Variants in SH2D3A observed in about 807,000 individuals in gnomAD.
SH2D3A encodes SH2 domain-containing protein 3A.
SH2D3A carries 46 observed loss-of-function variants against 50.6 expected under a neutral mutation model. The ratio of observed to expected loss-of-function variants is 0.91; its 90% confidence interval spans 0.72 to 1.16. The LOEUF (loss-of-function observed/expected upper bound fraction) is 1.16. Among genes scored for constraint, SH2D3A ranks in the 50% most tolerant of loss-of-function variants. The pLI is 0.00. For synonymous variants in SH2D3A, 377 were observed against 348.4 expected, an observed-to-expected ratio of 1.08 and a Z score of -0.91; for missense variants, 783 against 786.2, an observed-to-expected ratio of 1.00 and a Z score of 0.05.
intron 4 of SH2D3A, 120 bp downstream of exon 4, chr19:6,759,474 C>A: frequency 1.2e-6 from 1 of 843,364 alleles, no homozygotes; most frequent in South Asian, 1.6e-5. Flanking sequence ...TCGTGATTGT[C>A]ATCATTTTCT....
intron 4 of SH2D3A, 85 bp from the exon 5 acceptor site, chr19:6,755,400 C>A (rs1247162681): frequency 1.1e-6 from 1 of 929,502 alleles, no homozygotes. Context: ...CGGCTACCAC[C>A]CACCTGATCC....
At chr19:6,752,938 G>C (rs1969403077) in intron 9 of SH2D3A, 185 bp from the exon 10 acceptor site, 1 of 985,190 alleles carries the variant, frequency 1.0e-6, no homozygotes, top group Non-Finnish European at 1.2e-6. Context: ...CTGCAGGAAT[G>C]GGGGTGGGGT....
At chr19:6,752,957 G>A in intron 9 of SH2D3A, 1 of 985,386 alleles carries the variant, frequency 1.0e-6, no homozygotes, top group Non-Finnish European at 1.2e-6. Context: ...GTGCCTGAGG[G>A]GCTCTACCGC....
chr19:6,762,825 C>A (rs1970104400), intron 2 of SH2D3A, among the ~76,000 whole-genome samples: 1 of 151,150 alleles, frequency 6.6e-6, no homozygotes, highest in Non-Finnish European at 1.5e-5. Context: ...GGCCTGCTAT[C>A]CCTATGTTAA....
chr19:6,761,164 T>A, intron 2 of SH2D3A, 177 bp from the exon 3 acceptor site: 2 of 599,870 alleles, frequency 3.3e-6, no homozygotes, highest in South Asian at 4.1e-5. Flanking sequence ...TCCTGGCACC[T>A]ACGTAGACTA....
rs765689594 is a variant in SH2D3A, at chr19:6,755,283, G to A, written c.529C>T (p.Arg177Ter). ...ASTMPISALP[R>*]TSSDPVLLKA... ...AGCAACACCGGGTCACTGCTCGTTC[G>A]GGGCAAGGCAGATATGGGCATGGTG... The change falls in exon 5 of 10, where the codon CGA becomes TGA. Residue 177 changes from arginine to a stop codon, truncating the protein, a stop_gained. Coordinates refer to ENST00000245908, the MANE Select transcript of SH2D3A (RefSeq NM_005490.3). LOFTEE classifies it high-confidence loss of function. 3.3e-5 allele frequency: 50 copies of A among 1,518,604 alleles called. No individual in the cohort carries two copies. The highest frequency in any genetic ancestry group is 1.8e-4 in the Middle Eastern group (1 of 5,622). 94.1% of individuals were successfully genotyped at this position (1,518,604 alleles called of 1,614,324 possible). A position where few individuals can be genotyped will look rare whatever the true frequency, so the allele number is the denominator to read the frequency against.
At chr19:6,762,702 A>G (rs1382729728) in intron 2 of SH2D3A, among the ~76,000 whole-genome samples, 1 of 133,392 alleles carries the variant, frequency 7.5e-6, no homozygotes, top group Non-Finnish European at 1.6e-5. Flanking sequence ...TTTTTTGTGT[A>G]GAGACAGAGT....
intron 4 of SH2D3A, chr19:6,759,010 C>T (rs1203201726): frequency 1.3e-5 from 2 of 152,308 alleles, no homozygotes; most frequent in East Asian, 3.8e-4. Context: ...GTTCGAACAA[C>T]TGCAAGGAGG....
At chr19:6,754,493 A>C in intron 6 of SH2D3A, 68 bp from the exon 7 acceptor site, 1 of 1,545,134 alleles carries the variant, frequency 6.5e-7, no homozygotes, top group Non-Finnish European at 8.7e-7. Flanking sequence ...GAGGGGGGAC[A>C]GGAGGTGGCA....
intron 4 of SH2D3A, 22 bp from the exon 5 acceptor site, chr19:6,755,337 T>G: frequency 6.8e-7 from 1 of 1,463,654 alleles, no homozygotes. Flanking sequence ...ACAAGAGGGG[T>G]CAATGGGAAT....
rs1041494346 is a variant in SH2D3A, at chr19:6,766,789, T to A, written c.-69+598A>T. On this transcript the variant is annotated intron_variant, in intron 1 of 9. Transcript: ENST00000245908. ...TTCTAAGAGTTATCAATGAAAGTGA[T>A]AAGCCAGGGAGATGTGATAGAGGAG... Among the ~76,000 whole-genome samples the A allele has an allele frequency of 2.0e-5, 3 of 152,162 alleles. No individual in the cohort carries two copies. The East Asian group carries it at 5.8e-4, about 29-fold the overall frequency.
chr19:6,761,106 T>C, intron 2 of SH2D3A, 119 bp from the exon 3 acceptor site: 2 of 789,094 alleles, frequency 2.5e-6, no homozygotes, highest in Non-Finnish European at 3.9e-6. Context: ...GAAACTTCTG[T>C]GGCAGGCAAA....
chr19:6,755,862 T>G (rs1183555943), intron 4 of SH2D3A, among the ~76,000 whole-genome samples: 1 of 151,470 alleles, frequency 6.6e-6, no homozygotes, highest in Non-Finnish European at 1.5e-5. Context: ...GAGGATTGCT[T>G]GAGGCTAGGG....
At chr19:6,763,902 AATCTTT>A in intron 1 of SH2D3A, 86 bp from the exon 2 acceptor site, 3 of 310,402 alleles carry the variant, frequency 9.7e-6, no homozygotes, top group African/African-American at 7.5e-5. Flanking sequence ...AGCTCCATCA[AATCTTT>A]TTTTTTTTTT....
chr19:6,761,090 C>G, intron 2 of SH2D3A, 103 bp from the exon 3 acceptor site: 1 of 900,136 alleles, frequency 1.1e-6, no homozygotes, highest in Non-Finnish European at 1.6e-6. Flanking sequence ...GAAAAGCTAC[C>G]CCAGTGAAAC....
intron 2 of SH2D3A, 102 bp from the exon 3 acceptor site, chr19:6,761,089 C>T (rs1009328750): frequency 1.1e-5 from 10 of 939,586 alleles, no homozygotes; most frequent in Non-Finnish European, 1.6e-5. Flanking sequence ...AGAAAAGCTA[C>T]CCCAGTGAAA....
intron 4 of SH2D3A, chr19:6,757,489 T>G (rs1030458937): frequency 2.0e-5 from 3 of 152,048 alleles, no homozygotes. Context: ...AGCTACCCAC[T>G]CATTTTTTGG....
rs138101388 is a variant in SH2D3A at position 6,760,916 on chromosome 19, G to A, written c.141C>T (p.Pro47=). The part of the protein sequence containing the change: ...VRASGSRGGN[P]VISCRWRGSA... The stretch of plus-strand genomic sequence containing the variant: ...AGCCCCGCCAGCGGCAGGAGATCAC[G>A]GGGTTGCCCCCACGGGACCCAGAGG... The change falls in exon 3 of 10, where the codon CCC becomes CCT. Residue 47 remains proline (P), a synonymous_variant. Transcript: ENST00000245908. The A allele has an allele frequency of 1.5e-5, 25 of 1,614,172 alleles. No individual in the cohort carries two copies. In the African/African-American group the frequency reaches 2.5e-4, roughly 16 times the overall value.
intron 1 of SH2D3A, among the ~76,000 whole-genome samples, chr19:6,766,698 AGCTTGCAGTCG>A (rs1335223572): frequency 6.6e-6 from 1 of 152,226 alleles, no homozygotes; most frequent in East Asian, 1.9e-4. Flanking sequence ...TGCCCTCCAG[AGCTTGCAGTCG>A]GCTGCGCAAG....
Sources: gnomAD v4.1 joint callset for allele counts (sites outside exome capture counted in the v4.1 genomes callset) on GRCh38, gnomAD v4.1.1 for gene constraint, MANE v1.5 for transcripts, NCBI Gene and HGNC (gene_info 2026-07-23, HGNC 2026-07-21) for gene names.